MEF2C: variants seen among roughly 807,000 people sequenced by gnomAD.
MEF2C encodes the protein myocyte-specific enhancer factor 2C.
In MEF2C, 6 loss-of-function variants were observed where a neutral mutation model predicts 50.5. The observed-to-expected ratio is 0.12, with a 90% CI of 0.07 to 0.23. MEF2C has a LOEUF of 0.23. MEF2C is among the 10% of genes least tolerant of loss of function. The pLI is 1.00. For missense variants in MEF2C, 276 were observed against 605.0 expected (o/e 0.46, Z 5.70); for synonymous variants, 183 against 228.0 (o/e 0.80, Z 1.78).
chr5:88,869,271 A>ATATG (rs1157308069), intron 1 of MEF2C, among the ~76,000 whole-genome samples: 1 of 54,466 alleles, frequency 1.8e-5, no homozygotes, highest in Non-Finnish European at 3.3e-5. Flanking sequence ...ATATATATAT[A>ATATG]TATATACATA....
intron 3 of MEF2C, among the ~76,000 whole-genome samples, chr5:88,789,344 T>C (rs1347394607): frequency 6.6e-6 from 1 of 152,042 alleles, no homozygotes; most frequent in Non-Finnish European, 1.5e-5. Flanking sequence ...TTTATTTTTA[T>C]TTTTGTAGAG....
chr5:88,847,110 T>C (rs1819616057), intron 1 of MEF2C, among the ~76,000 whole-genome samples: 1 of 152,216 alleles, frequency 6.6e-6, no homozygotes, highest in African/African-American at 2.4e-5. Context: ...TATTGCGGAT[T>C]TGTAATTTTC....
intron 1 of MEF2C, among the ~76,000 whole-genome samples, chr5:88,870,566 G>A (rs1195887720): frequency 6.6e-6 from 1 of 152,034 alleles, no homozygotes; most frequent in Admixed American, 6.6e-5. Flanking sequence ...GGAAGAGAAA[G>A]TGTTCAACTT....
intron 3 of MEF2C, among the ~76,000 whole-genome samples, chr5:88,781,177 C>T (rs1787830660): frequency 6.6e-6 from 1 of 152,090 alleles, no homozygotes; most frequent in African/African-American, 2.4e-5. Context: ...AATATACATA[C>T]ATTATATGAT....
chr5:88,752,159 T>A lies in MEF2C; in HGVS notation c.403-116A>T, dbSNP rs532635157. ...ATTCTACATTCCAAACTACTTTGTG[T>A]CTAGAAGACCATTAAGAAGAGCTCT... is the stretch of plus-strand genomic sequence containing the variant. On this transcript the variant is annotated intron_variant, in intron 4 of 10. Coordinates refer to ENST00000504921, the MANE Select transcript of MEF2C (RefSeq NM_002397.5). 4.1e-5 allele frequency: 38 copies of A among 918,184 alleles called. No individual in the cohort carries two copies. The South Asian group carries it at 4.2e-4, about 10-fold the overall frequency. The allele number at this position is 918,184 out of a possible 1,614,324, so 56.9% of individuals were successfully genotyped here. A position where few individuals can be genotyped will look rare whatever the true frequency, so the allele number is the denominator to read the frequency against.
At chr5:88,806,843 G>A (rs920630196) in intron 2 of MEF2C, among the ~76,000 whole-genome samples, 4 of 151,892 alleles carry the variant, frequency 2.6e-5, no homozygotes, top group Admixed American at 6.6e-5. Flanking sequence ...CCACTACAGC[G>A]CATGCTCCAC....
chr5:88,751,709 C>T, intron 5 of MEF2C, 148 bp downstream of exon 5: 2 of 1,061,486 alleles, frequency 1.9e-6, no homozygotes, highest in Non-Finnish European at 1.3e-6. Context: ...CTCTATCATG[C>T]AGGAGACCTA....
intron 2 of MEF2C, among the ~76,000 whole-genome samples, chr5:88,813,960 C>T (rs1258917006): frequency 1.3e-5 from 2 of 151,974 alleles, no homozygotes; most frequent in African/African-American, 4.8e-5. Context: ...CCTCATCCCC[C>T]CACCTAGATA....
At chr5:88,744,084 C>T in intron 6 of MEF2C, 1 of 983,498 alleles carries the variant, frequency 1.0e-6, no homozygotes, top group Middle Eastern at 5.2e-4. Context: ...CTGGTCCTTT[C>T]TACTCAATAA....
chr5:88,816,271 C>A (rs1805307611), intron 2 of MEF2C, among the ~76,000 whole-genome samples: 1 of 151,918 alleles, frequency 6.6e-6, no homozygotes, highest in South Asian at 2.1e-4. Flanking sequence ...AGGAGTAGAT[C>A]TAGCTGACAT....
At chr5:88,873,708 ATTTTTTTTTTTTTTTT>A (rs199642010) in intron 1 of MEF2C, among the ~76,000 whole-genome samples, 8 of 93,806 alleles carry the variant, frequency 8.5e-5, no homozygotes, top group African/African-American at 1.3e-4. Context: ...GTCGTCACGG[ATTTTTTTTTTTTTTTT>A]TTTTTTTTTT....
chr5:88,732,366 GA>G (rs1040925141), intron 6 of MEF2C: 1 of 153,830 alleles, frequency 6.5e-6, no homozygotes, highest in African/African-American at 2.4e-5. Flanking sequence ...TAATTTCTAG[GA>G]CAGGCAGGAG....
intron 4 of MEF2C, 109 bp from the exon 5 acceptor site, chr5:88,752,152 C>CT (rs1773113715): frequency 2.0e-6 from 2 of 997,750 alleles, no homozygotes; most frequent in Admixed American, 5.9e-5. Flanking sequence ...TTCCAAACTA[C>CT]TTTGTGTCTA....
intron 6 of MEF2C, chr5:88,742,889 GT>G (rs906971769): frequency 5.0e-4 from 401 of 807,770 alleles, no homozygotes; most frequent in East Asian, 1.0e-3. Context: ...TGAGGACTAG[GT>G]TTTTTTTTTT....
At chr5:88,894,246 A>C (rs1834884961) in intron 1 of MEF2C, among the ~76,000 whole-genome samples, 1 of 152,234 alleles carries the variant, frequency 6.6e-6, no homozygotes, top group Non-Finnish European at 1.5e-5. Context: ...CCAGGGCCAC[A>C]TAGTTCCTAA....
At chr5:88,813,080 C>T in intron 2 of MEF2C, among the ~76,000 whole-genome samples, 1 of 152,134 alleles carries the variant, frequency 6.6e-6, no homozygotes, top group East Asian at 1.9e-4. Context: ...TTTCTAGGTT[C>T]TGACAGTAAA....
In MEF2C at chr5:88,740,454, G is replaced by A. The variant is rs989791350; in HGVS notation, c.638-8553C>T. On this transcript the variant is annotated intron_variant, in intron 6 of 10. Coordinates refer to ENST00000504921, the MANE Select transcript of MEF2C (RefSeq NM_002397.5). ...TTCTCATTTGTCCTAACTGTCATGCGGATTTAGGCATCACCATCCCAGCTT... is the reference window on the plus strand; with the variant it reads ...TTCTCATTTGTCCTAACTGTCATGCAGATTTAGGCATCACCATCCCAGCTT... The A allele has an allele frequency of 3.7e-5, 36 of 984,806 alleles. No individual in the cohort carries two copies. The African/African-American group carries it at 3.8e-4, about 11-fold the overall frequency. 61.0% of individuals were successfully genotyped at this position (984,806 alleles called of 1,614,324 possible). A position where few individuals can be genotyped will look rare whatever the true frequency, so the allele number is the denominator to read the frequency against.
intron 3 of MEF2C, among the ~76,000 whole-genome samples, chr5:88,792,117 A>G (rs1313514424): frequency 5.9e-5 from 9 of 152,170 alleles, no homozygotes; most frequent in Admixed American, 5.9e-4. Flanking sequence ...AATGAAAAAT[A>G]CTTTTCTGGA....
chr5:88,776,376 T>C (rs760514541), intron 3 of MEF2C, among the ~76,000 whole-genome samples: 2 of 152,176 alleles, frequency 1.3e-5, no homozygotes, highest in Non-Finnish European at 2.9e-5. Context: ...CTCTTAGTTA[T>C]TTTGAAATAT....
Sources: gnomAD v4.1 joint callset for allele counts (sites outside exome capture counted in the v4.1 genomes callset) on GRCh38, gnomAD v4.1.1 for gene constraint, MANE v1.5 for transcripts, NCBI Gene and HGNC (gene_info 2026-07-23, HGNC 2026-07-21) for gene names.